CDK14: variants seen among roughly 807,000 people sequenced by gnomAD.
CDK14 encodes cyclin-dependent kinase 14.
Under a neutral mutation model 60.7 loss-of-function variants are expected in CDK14, and 34 were observed. The observed-to-expected ratio is 0.56, with a 90% CI of 0.43 to 0.75. The LOEUF is 0.75. Among genes scored for constraint, CDK14 ranks in the 30% least tolerant of loss-of-function variants. The pLI, the probability that CDK14 is intolerant of heterozygous loss-of-function variation, is 0.00. For missense variants in CDK14, 482 were observed against 564.1 expected, an observed-to-expected ratio of 0.85 and a Z score of 1.47; for synonymous variants, 197 against 203.7, an observed-to-expected ratio of 0.97 and a Z score of 0.28.
At chr7:90,601,080 A>G (rs1441253734) in intron 1 of CDK14, among the ~76,000 whole-genome samples, 1 of 152,266 alleles carries the variant, frequency 6.6e-6, no homozygotes, top group Admixed American at 6.5e-5. Flanking sequence ...ACTTTCATCT[A>G]GGTGAAATCA....
At chr7:90,693,792 T>A (rs1366697447) in intron 2 of CDK14, among the ~76,000 whole-genome samples, 2 of 152,198 alleles carry the variant, frequency 1.3e-5, no homozygotes, top group East Asian at 3.8e-4. Flanking sequence ...TGTTTCTAGA[T>A]CCTCTCTGAT....
At chr7:91,180,802 G>A (rs1457375483) in intron 14 of CDK14, among the ~76,000 whole-genome samples, 1 of 152,138 alleles carries the variant, frequency 6.6e-6, no homozygotes, top group Non-Finnish European at 1.5e-5. Context: ...GAATATTCAA[G>A]GAGGCCAAAG....
chr7:90,892,775 T>G (rs1367258445), intron 6 of CDK14, among the ~76,000 whole-genome samples: 1 of 151,880 alleles, frequency 6.6e-6, no homozygotes, highest in Non-Finnish European at 1.5e-5. Context: ...GGATACTGGG[T>G]TTTTTGTTTT....
At position 90,766,762 on chromosome 7, in the gene CDK14, G is replaced by A. The variant is rs551844766; in HGVS notation, c.464+18987G>A. Among the ~76,000 whole-genome samples the A allele has an allele frequency of 2.0e-5, 3 of 152,266 alleles. No homozygotes were observed. In the East Asian group the frequency reaches 5.8e-4, roughly 29 times the overall value. On this transcript the variant is annotated intron_variant, in intron 4 of 14. Transcript: ENST00000380050. ...GGGCAGATAGCTGAAAGAACACTCG[G>A]GGGGCCATAGGCAGGGGAATATGGT...
At chr7:90,710,171 C>A in intron 2 of CDK14, 1 of 985,286 alleles carries the variant, frequency 1.0e-6, no homozygotes, top group African/African-American at 1.7e-5. Context: ...ATGGGAGAGT[C>A]TTTTGAGGCT....
intron 8 of CDK14, among the ~76,000 whole-genome samples, chr7:90,952,618 A>G (rs1794296017): frequency 6.6e-6 from 1 of 152,204 alleles, no homozygotes; most frequent in Non-Finnish European, 1.5e-5. Flanking sequence ...CAGCCAAAGC[A>G]GCAACGTGCA....
rs151099735 is a variant in CDK14 at position 91,065,505 on chromosome 7, A to G, written c.1106-13927A>G. Among the ~76,000 whole-genome samples the G allele has an allele frequency of 5.3e-4, 80 of 152,252 alleles. 3 individuals are homozygous for G. The highest frequency in any genetic ancestry group is 1.3e-3 in the African/African-American group (54 of 41,540). On this transcript the variant is annotated intron_variant, in intron 11 of 14. Coordinates refer to ENST00000380050, the MANE Select transcript of CDK14 (RefSeq NM_001287135.2). ...GTCTGGCCCTCTTTATTTGAGGTCA[A>G]CTCTTTTCTGCTGTACACAAATACT... is the stretch of plus-strand genomic sequence containing the variant.
chr7:91,028,405 A>G (rs1269718410), intron 10 of CDK14, among the ~76,000 whole-genome samples: 1 of 152,168 alleles, frequency 6.6e-6, no homozygotes, highest in African/African-American at 2.4e-5. Context: ...GAGTGCAGGT[A>G]TCTTTTTTAT....
rs781484660 is a variant in CDK14 at position 90,726,551 on chromosome 7, TTTC to T, written c.124-10_124-8del. ...TTGCAGTGAAGAGTTCTGAATTTAATTTCTTCTTTTCTCAGATATGTGTCACAA... is the reference window on the plus strand; with the variant it reads ...TTGCAGTGAAGAGTTCTGAATTTAATTTCTTTTCTCAGATATGTGTCACAA... On this transcript the variant is annotated splice_polypyrimidine_tract_variant and intron_variant, in intron 2 of 14. Coordinates refer to ENST00000380050, the MANE Select transcript of CDK14 (RefSeq NM_001287135.2). 2.5e-6 allele frequency: 4 copies of T among 1,611,356 alleles called. No homozygotes were observed. Among genetic ancestry groups the T allele is most frequent in the Non-Finnish European group, 3.4e-6 (4 of 1,178,394 alleles).
chr7:90,677,981 G>A (rs888198779), intron 2 of CDK14, among the ~76,000 whole-genome samples: 7 of 152,090 alleles, frequency 4.6e-5, no homozygotes, highest in Non-Finnish European at 1.5e-5. Context: ...TTGCCTCTTC[G>A]GCAGAGTCAA....
chr7:90,624,179 G>A (rs149262283), intron 2 of CDK14, among the ~76,000 whole-genome samples: 3 of 152,116 alleles, frequency 2.0e-5, no homozygotes, highest in Admixed American at 6.5e-5. Context: ...TCTCACAGTG[G>A]AGCTTTGTCT....
chr7:90,860,431 G>A (rs114405963), intron 5 of CDK14, among the ~76,000 whole-genome samples: 1,656 of 151,784 alleles, frequency 0.011, 26 homozygotes, highest in African/African-American at 0.037. Flanking sequence ...GTCTTTTGTG[G>A]TATTATTTAT....
At chr7:91,016,265 T>C (rs985921692) in intron 10 of CDK14, among the ~76,000 whole-genome samples, 2 of 152,190 alleles carry the variant, frequency 1.3e-5, no homozygotes, top group African/African-American at 4.8e-5. Context: ...AACATAGTAC[T>C]CTAACATGTT....
At chr7:90,597,701 T>C (rs1224864505) in intron 1 of CDK14, among the ~76,000 whole-genome samples, 1 of 152,218 alleles carries the variant, frequency 6.6e-6, no homozygotes, top group African/African-American at 2.4e-5. Context: ...AAATTAAACA[T>C]AAAGGTACTT....
intron 4 of CDK14, among the ~76,000 whole-genome samples, chr7:90,771,716 A>G (rs1325031232): frequency 6.6e-6 from 1 of 152,186 alleles, no homozygotes; most frequent in African/African-American, 2.4e-5. Flanking sequence ...TCAGGAGCTG[A>G]AGTGAAGCCT....
chr7:90,917,773 C>A (rs1360922228), intron 8 of CDK14, 49 bp downstream of exon 8: 1 of 1,585,094 alleles, frequency 6.3e-7, no homozygotes, highest in Admixed American at 1.7e-5. Context: ...TGTGAGAATG[C>A]CAGGCAGATG....
At chr7:90,605,637 T>C (rs1799401918) in intron 2 of CDK14, among the ~76,000 whole-genome samples, 2 of 152,126 alleles carry the variant, frequency 1.3e-5, no homozygotes, top group South Asian at 4.2e-4. Flanking sequence ...ATGTAGATAA[T>C]TTAAGCTTAC....
intron 2 of CDK14, among the ~76,000 whole-genome samples, chr7:90,717,629 A>G (rs917585889): frequency 6.6e-6 from 1 of 152,156 alleles, no homozygotes; most frequent in Non-Finnish European, 1.5e-5. Flanking sequence ...ATTCTGATGA[A>G]TGGAAACATC....
chr7:90,956,062 T>A (rs1489628454), intron 9 of CDK14, among the ~76,000 whole-genome samples: 1 of 152,182 alleles, frequency 6.6e-6, no homozygotes, highest in East Asian at 1.9e-4. Flanking sequence ...TAACTGTCAG[T>A]ATCATGATTT....
Sources: gnomAD v4.1 joint callset for allele counts (sites outside exome capture counted in the v4.1 genomes callset) on GRCh38, gnomAD v4.1.1 for gene constraint, MANE v1.5 for transcripts, NCBI Gene and HGNC (gene_info 2026-07-23, HGNC 2026-07-21) for gene names.